The following FRMD4A variants were observed in gnomAD, a reference collection of about 807,000 sequenced individuals.
The protein encoded by FRMD4A is FERM domain containing 4A.
In FRMD4A, 29 loss-of-function variants were observed where a neutral mutation model predicts 129.1. That is an observed-to-expected ratio of 0.22 (90% CI 0.17 to 0.31). The LOEUF (loss-of-function observed/expected upper bound fraction) is 0.31, where lower values mean the gene tolerates loss of function less well. FRMD4A is among the 10% of genes least tolerant of loss of function. The pLI, the probability that FRMD4A is intolerant of heterozygous loss-of-function variation, is 1.00. For missense variants in FRMD4A, 1,272 were observed against 1,375.8 expected, an observed-to-expected ratio of 0.92 and a Z score of 1.19; for synonymous variants, 634 against 571.6, an observed-to-expected ratio of 1.11 and a Z score of -1.56.
At chr10:14,022,781 C>T (rs1253760158) in intron 2 of FRMD4A, among the ~76,000 whole-genome samples, 1 of 152,066 alleles carries the variant, frequency 6.6e-6, no homozygotes, top group African/African-American at 2.4e-5. Context: ...TGACCCCATT[C>T]TCTTTCAAGG....
intron 2 of FRMD4A, among the ~76,000 whole-genome samples, chr10:14,099,585 A>G (rs1487904168): frequency 6.6e-6 from 1 of 152,190 alleles, no homozygotes; most frequent in African/African-American, 2.4e-5. Context: ...ACAACCCGTG[A>G]ATATGATATT....
intron 2 of FRMD4A, among the ~76,000 whole-genome samples, chr10:14,055,459 ACAAACAC>A (rs1834473585): frequency 0.028 from 3,102 of 111,316 alleles, 101 homozygotes; most frequent in East Asian, 0.13. Flanking sequence ...ACACACACAC[ACAAACAC>A]ACACACACAC....
At chr10:14,124,593 G>A (rs1229769870) in intron 2 of FRMD4A, among the ~76,000 whole-genome samples, 1 of 152,072 alleles carries the variant, frequency 6.6e-6, no homozygotes, top group Admixed American at 6.5e-5. Context: ...GGAGAATCTC[G>A]TGAACCCAGG....
chr10:13,845,849 A>G lies in FRMD4A; in HGVS notation c.111+12998T>C. Reference sequence around the variant, plus strand: ...GGTTGTGCAAATGGCCAAGGTCACGAAGCTGTCAAGCATCAGAGTCAGGTT... The same window carrying G: ...GGTTGTGCAAATGGCCAAGGTCACGGAGCTGTCAAGCATCAGAGTCAGGTT... On this transcript the variant is annotated intron_variant, in intron 3 of 24. Coordinates refer to ENST00000357447, the MANE Select transcript of FRMD4A (RefSeq NM_018027.5). Among the ~76,000 whole-genome samples, 2 of 152,220 alleles carry G rather than the reference A, an allele frequency of 1.3e-5. 1 individual carries two copies. The highest frequency in any genetic ancestry group is 3.8e-4 in the East Asian group (2 of 5,196).
intron 2 of FRMD4A, among the ~76,000 whole-genome samples, chr10:14,201,018 G>C (rs1053514809): frequency 6.6e-6 from 1 of 152,166 alleles, no homozygotes; most frequent in South Asian, 2.1e-4. Context: ...AGTGCTGGCA[G>C]AGCCAGCTTC....
At chr10:13,819,157 C>A (rs1422461840) in intron 3 of FRMD4A, among the ~76,000 whole-genome samples, 1 of 150,998 alleles carries the variant, frequency 6.6e-6, no homozygotes, top group Non-Finnish European at 1.5e-5. Flanking sequence ...AAAACAAAAT[C>A]CCCACTCCAT....
intron 2 of FRMD4A, among the ~76,000 whole-genome samples, chr10:13,998,050 C>T (rs539698199): frequency 6.6e-6 from 1 of 152,336 alleles, no homozygotes; most frequent in African/African-American, 2.4e-5. Flanking sequence ...CCTCTTTCTA[C>T]CTCACTGGCT....
At chr10:14,280,550 A>T (rs993652578) in intron 2 of FRMD4A, among the ~76,000 whole-genome samples, 3 of 152,216 alleles carry the variant, frequency 2.0e-5, no homozygotes, top group Admixed American at 1.3e-4. Flanking sequence ...TAAAAATTAA[A>T]TACAATCATC....
chr10:14,007,667 G>T (rs1255109084), intron 2 of FRMD4A: 1 of 167,206 alleles, frequency 6.0e-6, no homozygotes, highest in Non-Finnish European at 1.3e-5. Context: ...TCACCCAGTA[G>T]AAGAAATTCA....
intron 2 of FRMD4A, among the ~76,000 whole-genome samples, chr10:14,320,912 G>T (rs1398172593): frequency 1.3e-5 from 2 of 152,214 alleles, no homozygotes; most frequent in African/African-American, 4.8e-5. Context: ...GCTTCTTGCA[G>T]CTCACCCTTC....
chr10:14,089,924 AT>A (rs1030336765), intron 2 of FRMD4A, among the ~76,000 whole-genome samples: 4 of 152,160 alleles, frequency 2.6e-5, no homozygotes, highest in African/African-American at 9.7e-5. Context: ...TATTGTACAG[AT>A]TTTTTCAGGA....
At position 13,651,969 on chromosome 10, in the gene FRMD4A, G is replaced by A; in HGVS notation, c.3056C>T (p.Ala1019Val). The A allele has an allele frequency of 1.3e-6, 2 of 1,575,768 alleles. No individual in the cohort carries two copies. Among genetic ancestry groups the A allele is most frequent in the Non-Finnish European group, 1.7e-6 (2 of 1,145,152 alleles). Reference protein sequence around the residue: ...HHILTWQTGEATENSPILDGS... With the variant: ...HHILTWQTGEVTENSPILDGS... ...ATCCAGAATGGGTGAGTTTTCTGTT[G>A]CTTCTCTGAACAAAGGAAAGCAGGA... The change falls in exon 24 of 25, where the codon GCA becomes GTA. Residue 1019 changes from alanine to valine, a missense_variant. Ala to Val is a moderately conservative substitution (Grantham distance 64). Around this residue, in one of 2 missense-constraint regions of FRMD4A, gnomAD observed 972 missense variants for 892.3 expected, o/e 1.09. Coordinates refer to ENST00000357447, the MANE Select transcript of FRMD4A (RefSeq NM_018027.5).
intron 2 of FRMD4A, among the ~76,000 whole-genome samples, chr10:13,926,270 A>T (rs1279806952): frequency 6.6e-6 from 1 of 152,162 alleles, no homozygotes; most frequent in Non-Finnish European, 1.5e-5. Context: ...ATCAGTGAAA[A>T]TCTCATCACT....
At chr10:13,989,042 T>G (rs1410218803) in intron 2 of FRMD4A, among the ~76,000 whole-genome samples, 2 of 149,740 alleles carry the variant, frequency 1.3e-5, no homozygotes, top group African/African-American at 2.5e-5. Context: ...TTTTTTTTTT[T>G]GTCAATTATG....
At chr10:13,884,182 A>ACACTCT (rs1731136973) in intron 2 of FRMD4A, among the ~76,000 whole-genome samples, 2 of 56,380 alleles carry the variant, frequency 3.5e-5, no homozygotes, top group African/African-American at 1.2e-4. Flanking sequence ...ACACTCACAC[A>ACACTCT]CACACACACA....
intron 3 of FRMD4A, among the ~76,000 whole-genome samples, chr10:13,848,055 G>A (rs2094079229): frequency 1.4e-5 from 2 of 146,546 alleles, no homozygotes; most frequent in Non-Finnish European, 1.5e-5. Flanking sequence ...TTTGCATTTT[G>A]CAGAACTGCA....
intron 2 of FRMD4A, among the ~76,000 whole-genome samples, chr10:13,926,713 T>C (rs1589295167): frequency 6.7e-6 from 1 of 148,578 alleles, no homozygotes; most frequent in East Asian, 2.0e-4. Context: ...CTTAAGACAG[T>C]GTCCTTATAC....
At chr10:14,173,934 G>A (rs1236572624) in intron 2 of FRMD4A, among the ~76,000 whole-genome samples, 3 of 151,906 alleles carry the variant, frequency 2.0e-5, no homozygotes, top group Non-Finnish European at 4.4e-5. Context: ...CAAAAGCTCC[G>A]TGAGCCTCCT....
Position 14,019,732 on chromosome 10 carries a change from C to T in FRMD4A, c.46-160820G>A, listed in dbSNP as rs185160708. The stretch of plus-strand genomic sequence containing the variant: ...CCAGATCAGATGGACAGTGATGGGG[C>T]TGATGCCTTTGAGAACGTGCCCATG... On this transcript the variant is annotated intron_variant, in intron 2 of 24. Transcript: ENST00000357447. Among the ~76,000 whole-genome samples the T allele has an allele frequency of 3.8e-4, 58 of 152,296 alleles. 1 individual carries two copies. The highest frequency in any genetic ancestry group is 3.4e-3 in the Middle Eastern group (1 of 294).
Sources: allele counts gnomAD v4.1 joint callset (sites outside exome capture counted in the v4.1 genomes callset), GRCh38; gene constraint gnomAD v4.1.1; regional missense constraint gnomAD v4.1.1; transcripts MANE v1.5; gene names NCBI Gene and HGNC (gene_info 2026-07-23, HGNC 2026-07-21).